The following DST variants were observed in gnomAD, a reference collection of about 807,000 sequenced individuals.
The protein encoded by DST is bullous pemphigoid antigen.
DST carries 253 observed loss-of-function variants against 875.2 expected under a neutral mutation model. That is an observed-to-expected ratio of 0.29 (90% CI 0.26 to 0.32). The LOEUF (loss-of-function observed/expected upper bound fraction) is 0.32, where lower values mean the gene tolerates loss of function less well. Among genes scored for constraint, DST ranks in the 10% least tolerant of loss-of-function variants. The probability of loss-of-function intolerance (pLI) is 1.00; values close to 1 mark genes in which losing one functional copy is unlikely to be tolerated. For synonymous variants in DST, 3,124 were observed against 3,197.1 expected (o/e 0.98, Z 0.77); for missense variants, 8,287 against 9,111.6 (o/e 0.91, Z 3.68).
In DST at chr6:56,463,914, T is replaced by C. The variant is rs55903203; in HGVS notation, c.22760-150A>G. ...TTGCCATGCCAACTCCAACTCAGCA[T>C]AACAAAAAGTTAAATGCATTCCTTT... On this transcript the variant is annotated intron_variant, in intron 100 of 103. Coordinates refer to ENST00000680361, the MANE Select transcript of DST (RefSeq NM_001374736.1). The C allele has an allele frequency of 2.5e-4, 212 of 840,312 alleles. No homozygotes were observed. The African/African-American group carries it at 3.0e-3, about 12-fold the overall frequency. 52.1% of individuals were successfully genotyped at this position (840,312 alleles called of 1,614,324 possible).
At chr6:56,826,041 C>T (rs759785513) in intron 4 of DST, among the ~76,000 whole-genome samples, 99 of 152,208 alleles carry the variant, frequency 6.5e-4, no homozygotes, top group Non-Finnish European at 1.0e-3. Context: ...CAAACGGATC[C>T]TTTGGCTTAG....
At position 56,851,229 on chromosome 6, in the gene DST, T is replaced by TGA. The variant is rs1765055363; in HGVS notation, c.625+167_625+168insTC. The TGA allele has an allele frequency of 9.1e-6, 6 of 661,686 alleles. No individual in the cohort carries two copies. The South Asian group carries it at 1.3e-4, about 14-fold the overall frequency. The allele number at this position is 661,686 out of a possible 1,614,324, so 41.0% of individuals were successfully genotyped here. A position where few individuals can be genotyped will look rare whatever the true frequency, so the allele number is the denominator to read the frequency against. ...GTCACCAGCAGGCAGGGCAAATGGCTCTATCGGTAAAACAAGGCATAAAGT... is the reference window on the plus strand; with the variant it reads ...GTCACCAGCAGGCAGGGCAAATGGCTGACTATCGGTAAAACAAGGCATAAAGT... On this transcript the variant is annotated intron_variant, in intron 4 of 103. Coordinates refer to ENST00000680361, the MANE Select transcript of DST (RefSeq NM_001374736.1).
intron 2 of DST, among the ~76,000 whole-genome samples, chr6:56,932,701 C>T (rs932383612): frequency 2.0e-5 from 3 of 151,864 alleles, no homozygotes; most frequent in Admixed American, 1.3e-4. Context: ...CCACACAAGG[C>T]TATGGATACA....
At chr6:56,712,365 ACTC>A (rs1348688989) in intron 5 of DST, among the ~76,000 whole-genome samples, 3 of 152,004 alleles carry the variant, frequency 2.0e-5, no homozygotes, top group South Asian at 2.1e-4. Flanking sequence ...CCTTTTTCCT[ACTC>A]CTCCTACTTT....
In DST at chr6:56,508,594, T is replaced by A. The variant is rs1276234008; in HGVS notation, c.19174A>T (p.Ile6392Phe). The change falls in exon 75 of 104, where the codon ATC becomes TTC. Residue 6392 changes from isoleucine to phenylalanine, a missense_variant. Ile to Phe is a conservative substitution (Grantham distance 21). Transcript: ENST00000680361. ...ATTCCAGGATCTTCCAGGTCCCGGA[T>A]GAAATCTTGAGTATCTTTAATGGTA... The part of the protein sequence containing the change: ...IVTIKDTQDF[I>F]RDLEDPGIDP... The A allele has an allele frequency of 3.1e-6, 5 of 1,613,292 alleles. No individual in the cohort carries two copies. In the African/African-American group the frequency reaches 6.7e-5, roughly 22 times the overall value.
At chr6:56,649,471 A>G (rs2098962138) in intron 12 of DST, among the ~76,000 whole-genome samples, 1 of 152,328 alleles carries the variant, frequency 6.6e-6, no homozygotes, top group South Asian at 2.1e-4. Flanking sequence ...GCTAGTTGAG[A>G]TAAGAATCAG....
chr6:56,670,441 T>C, intron 10 of DST, 200 bp downstream of exon 10: 1 of 384,034 alleles, frequency 2.6e-6, no homozygotes, highest in Non-Finnish European at 4.5e-6. Context: ...TCAAGCAATC[T>C]ACCCACTTTG....
At chr6:56,579,277 C>T (rs1235846332) in intron 49 of DST, among the ~76,000 whole-genome samples, 4 of 152,134 alleles carry the variant, frequency 2.6e-5, no homozygotes, top group Admixed American at 2.6e-4. Flanking sequence ...CCAACTACTA[C>T]TAAAACAAAC....
intron 2 of DST, among the ~76,000 whole-genome samples, chr6:56,937,793 T>G (rs1302565653): frequency 2.0e-5 from 3 of 152,198 alleles, no homozygotes; most frequent in Non-Finnish European, 4.4e-5. Context: ...GTATGGTATA[T>G]TCACAGAATG....
chr6:56,465,192 T>A (rs2094521142), intron 99 of DST, among the ~76,000 whole-genome samples: 1 of 152,142 alleles, frequency 6.6e-6, no homozygotes, highest in Non-Finnish European at 1.5e-5. Context: ...GACTGATATG[T>A]CTATGTGTAC....
chr6:56,943,227 CAAATTCAGGAACTGGAA>C (rs1817611019), intron 2 of DST, among the ~76,000 whole-genome samples: 1 of 152,110 alleles, frequency 6.6e-6, no homozygotes, highest in Non-Finnish European at 1.5e-5. Context: ...AAGTAAAACA[CAAATTCAGGAACTGGAA>C]TTGGATGACA....
intron 5 of DST, among the ~76,000 whole-genome samples, chr6:56,723,360 T>C (rs1285850384): frequency 6.6e-6 from 1 of 151,880 alleles, no homozygotes; most frequent in African/African-American, 2.4e-5. Context: ...AGGTCAGTGG[T>C]TCGAGACCAG....
At chr6:56,804,508 T>C (rs1163282813) in intron 4 of DST, among the ~76,000 whole-genome samples, 2 of 152,188 alleles carry the variant, frequency 1.3e-5, no homozygotes, top group African/African-American at 4.8e-5. Flanking sequence ...TTAATATATC[T>C]TAGCCTCTTT....
chr6:56,945,999 T>C (rs957811819), intron 2 of DST, among the ~76,000 whole-genome samples: 4 of 152,188 alleles, frequency 2.6e-5, no homozygotes, highest in Admixed American at 2.6e-4. Flanking sequence ...ACCTTGTGAA[T>C]ATACCAAAAA....
chr6:56,894,987 C>T (rs577540411), intron 3 of DST, among the ~76,000 whole-genome samples: 1 of 110,480 alleles, frequency 9.1e-6, no homozygotes, highest in South Asian at 2.4e-4. Flanking sequence ...GGGGGCTGAC[C>T]CCCCTACCTC....
chr6:56,907,246 A>G (rs771282448), intron 2 of DST, among the ~76,000 whole-genome samples: 1 of 152,158 alleles, frequency 6.6e-6, no homozygotes, highest in Non-Finnish European at 1.5e-5. Context: ...GTTGTATTAA[A>G]TTCTCTATTG....
intron 53 of DST, 28 bp downstream of exon 53, chr6:56,572,072 A>G (rs1452606668): frequency 7.7e-6 from 10 of 1,292,234 alleles, no homozygotes; most frequent in Non-Finnish European, 1.0e-5. Context: ...TAAATAGAAT[A>G]AAATATAATT....
In DST at chr6:56,489,687, A is replaced by T; in HGVS notation, c.20758-78T>A. The T allele has an allele frequency of 4.0e-6, 5 of 1,260,278 alleles. No homozygotes were observed. The South Asian group carries it at 8.2e-5, about 21-fold the overall frequency. The allele number at this position is 1,260,278 out of a possible 1,614,324, so 78.1% of individuals were successfully genotyped here. A position where few individuals can be genotyped will look rare whatever the true frequency, so the allele number is the denominator to read the frequency against. ...GAGATCTAGCACAGTTTTAAGACAG[A>T]GATTAATAGTGATGAAAATCCTGAA... On this transcript the variant is annotated intron_variant, in intron 85 of 103. Transcript: ENST00000680361.
intron 10 of DST, among the ~76,000 whole-genome samples, chr6:56,653,567 C>G (rs572977314): frequency 3.4e-4 from 51 of 152,174 alleles, no homozygotes; most frequent in South Asian, 1.2e-3. Flanking sequence ...CGCCTGTAAT[C>G]CCAGCTACTC....
Sources: allele counts gnomAD v4.1 joint callset (sites outside exome capture counted in the v4.1 genomes callset), GRCh38; gene constraint gnomAD v4.1.1; transcripts MANE v1.5; gene names NCBI Gene and HGNC (gene_info 2026-07-23, HGNC 2026-07-21).